MSI2: variants seen among roughly 807,000 people sequenced by gnomAD.
MSI2 encodes the protein RNA-binding protein Musashi homolog 2.
MSI2 carries 17 observed loss-of-function variants against 45.6 expected under a neutral mutation model. The ratio of observed to expected loss-of-function variants is 0.37; its 90% CI spans 0.26 to 0.56. The LOEUF (loss-of-function observed/expected upper bound fraction) is 0.56, where lower values mean the gene tolerates loss of function less well. Ranked by LOEUF, MSI2 falls within the 20% of genes least tolerant of loss-of-function variation. The pLI is 0.77. For synonymous variants in MSI2, 156 were observed against 158.2 expected (o/e 0.99, Z 0.11); for missense variants, 293 against 444.2 (o/e 0.66, Z 3.06).
intron 7 of MSI2, among the ~76,000 whole-genome samples, chr17:57,587,063 G>T (rs887020553): frequency 6.6e-6 from 1 of 152,164 alleles, no homozygotes; most frequent in African/African-American, 2.4e-5. Flanking sequence ...CTGAGACCAT[G>T]TTAGGAGCTG....
At chr17:57,619,732 C>T (rs1464869726) in intron 9 of MSI2, among the ~76,000 whole-genome samples, 4 of 152,132 alleles carry the variant, frequency 2.6e-5, no homozygotes, top group African/African-American at 4.8e-5. Context: ...GGTCCCTGCG[C>T]TTATCTGGAC....
Position 57,616,035 on chromosome 17 carries a change from G to A in MSI2, c.603G>A (p.Arg201=). ...MFPPGTRGRA[R]GLPYTMDAFM... ...CACCTGGGACAAGAGGCCGGGCCCG[G>A]GGACTGCCTTACACCATGGACGCGT... Residue 201 remains arginine, a synonymous_variant, in exon 9 of 14, where the codon CGG becomes CGA. Transcript: ENST00000284073. 6.2e-7 allele frequency: 1 copy of A among 1,614,194 alleles called. No individual in the cohort carries two copies. The highest frequency in any genetic ancestry group is 8.5e-7 in the Non-Finnish European group (1 of 1,180,028).
intron 5 of MSI2, among the ~76,000 whole-genome samples, chr17:57,344,479 T>A (rs1598149001): frequency 6.6e-6 from 1 of 152,242 alleles, no homozygotes; most frequent in Non-Finnish European, 1.5e-5. Flanking sequence ...GTGTCTCCCC[T>A]GCTCCAGACC....
At chr17:57,583,300 C>T (rs1436633899) in intron 7 of MSI2, among the ~76,000 whole-genome samples, 7 of 152,114 alleles carry the variant, frequency 4.6e-5, no homozygotes, top group Non-Finnish European at 8.8e-5. Flanking sequence ...ATGAGGAGCC[C>T]CACCCTCATG....
At position 57,627,373 on chromosome 17, in the gene MSI2, AC is replaced by A. The variant is rs967292236; in HGVS notation, c.727+74del. On this transcript the variant is annotated intron_variant, in intron 10 of 13. Transcript: ENST00000284073. This position sits in a 1 kb window ranked among gnomAD's most constrained non-coding sequence, Gnocchi z 4.6. The stretch of plus-strand genomic sequence containing the variant: ...GCTGCATTTGCGGGGAGGTGAGAGG[AC>A]CCCTAAAGAGAATGCATTTCTTACA... 32 of 1,330,998 alleles carry A rather than the reference AC, an allele frequency of 2.4e-5. No individual in the cohort carries two copies. Among genetic ancestry groups the A allele is most frequent in the Non-Finnish European group, 2.7e-5 (25 of 923,094 alleles). The allele number at this position is 1,330,998 out of a possible 1,614,324, so 82.4% of individuals were successfully genotyped here. A position where few individuals can be genotyped will look rare whatever the true frequency, so the allele number is the denominator to read the frequency against.
chr17:57,697,074 TGA>T, the MSI2 span, among the ~76,000 whole-genome samples: 1 of 151,810 alleles, frequency 6.6e-6, no homozygotes, highest in South Asian at 2.1e-4. Context: ...GGGGATGTGG[TGA>T]GAGTGAGATG....
Position 57,407,183 on chromosome 17 carries a change from T to G in MSI2, c.405+5712T>G, listed in dbSNP as rs2084099002. ...CAAGAGTGAATTGTTTTTTTTAATG[T>G]AATGAGACCTTCCCGTTTATCCGGC... is the stretch of plus-strand genomic sequence containing the variant. On this transcript the variant is annotated intron_variant, in intron 6 of 13. Transcript: ENST00000284073. This position sits in a 1 kb window ranked among gnomAD's most constrained non-coding sequence, Gnocchi z 4.1. The G allele has an allele frequency of 6.6e-6, 1 of 152,116 alleles. No homozygotes were observed. The highest frequency in any genetic ancestry group is 2.4e-5 in the African/African-American group (1 of 41,414). The allele number at this position is 152,116 out of a possible 1,614,324, so 9.4% of individuals were successfully genotyped here.
At chr17:57,271,058 A>T (rs901688703) in intron 5 of MSI2, among the ~76,000 whole-genome samples, 2 of 152,154 alleles carry the variant, frequency 1.3e-5, no homozygotes, top group African/African-American at 4.8e-5. Context: ...GGGAGCAGCT[A>T]GGGAACAGCT....
At chr17:57,526,386 T>A in intron 6 of MSI2, among the ~76,000 whole-genome samples, 1 of 93,046 alleles carries the variant, frequency 1.1e-5, no homozygotes. Flanking sequence ...TGTGTGTGTG[T>A]GTGTGTGTGT....
intron 6 of MSI2, among the ~76,000 whole-genome samples, chr17:57,463,438 C>T (rs888984847): frequency 1.3e-5 from 2 of 152,194 alleles, no homozygotes; most frequent in African/African-American, 2.4e-5. Flanking sequence ...TCTGTCTCTA[C>T]AGCCTCCCTC....
intron 7 of MSI2, among the ~76,000 whole-genome samples, chr17:57,566,806 G>A (rs72833090): frequency 6.6e-6 from 1 of 152,140 alleles, no homozygotes; most frequent in East Asian, 1.9e-4. Flanking sequence ...AATGTAAGGA[G>A]GAGTGTTCAG....
chr17:57,479,642 C>T (rs994952430), intron 6 of MSI2, among the ~76,000 whole-genome samples: 8 of 152,118 alleles, frequency 5.3e-5, no homozygotes, highest in South Asian at 4.1e-4. Flanking sequence ...AGCAAAGCAG[C>T]GGTGAAAGAC....
intron 5 of MSI2, among the ~76,000 whole-genome samples, chr17:57,282,049 G>C (rs1187669032): frequency 6.6e-6 from 1 of 152,168 alleles, no homozygotes; most frequent in African/African-American, 2.4e-5. Flanking sequence ...TCTCCCTTCA[G>C]ATCAAAGCGG....
Position 57,526,910 on chromosome 17 carries a change from C to A in MSI2, c.406-2766C>A, listed in dbSNP as rs2086714309. Among the ~76,000 whole-genome samples, 2 of 152,132 alleles carry A rather than the reference C, an allele frequency of 1.3e-5. 1 individual carries two copies. Among genetic ancestry groups the A allele is most frequent in the South Asian group, 4.2e-4 (2 of 4,818 alleles). Reference sequence around the variant, plus strand: ...GAGGAAAGAGCTGTATTCTTTATGACAATGGTTGCCCTAAAAACATATACA... The same window carrying A: ...GAGGAAAGAGCTGTATTCTTTATGAAAATGGTTGCCCTAAAAACATATACA... On this transcript the variant is annotated intron_variant, in intron 6 of 13. Transcript: ENST00000284073.
At chr17:57,475,969 A>G (rs2085529473) in intron 6 of MSI2, among the ~76,000 whole-genome samples, 1 of 152,230 alleles carries the variant, frequency 6.6e-6, no homozygotes, top group East Asian at 1.9e-4. Context: ...AGCCACAGAC[A>G]ATCTCTCCCT....
At chr17:57,524,106 G>T (rs2086649924) in intron 6 of MSI2, among the ~76,000 whole-genome samples, 1 of 152,236 alleles carries the variant, frequency 6.6e-6, no homozygotes, top group African/African-American at 2.4e-5. Flanking sequence ...CCTGCTCCAT[G>T]TGCCACCCAT....
chr17:57,604,160 G>A (rs768163056), intron 8 of MSI2, among the ~76,000 whole-genome samples: 1 of 152,190 alleles, frequency 6.6e-6, no homozygotes, highest in Non-Finnish European at 1.5e-5. Flanking sequence ...AGTTACTTCT[G>A]TGTTTCGGCT....
intron 8 of MSI2, among the ~76,000 whole-genome samples, chr17:57,603,346 G>A (rs191870753): frequency 6.6e-6 from 1 of 152,306 alleles, no homozygotes; most frequent in Non-Finnish European, 1.5e-5. Flanking sequence ...GGACCTGCTG[G>A]GTCACTTAGA....
intron 5 of MSI2, among the ~76,000 whole-genome samples, chr17:57,290,432 C>T (rs571300661): frequency 6.6e-6 from 1 of 152,362 alleles, no homozygotes; most frequent in Admixed American, 6.5e-5. Flanking sequence ...ACCTCAGCCT[C>T]CCAAGTATTG....
Sources: gnomAD v4.1 joint callset for allele counts (sites outside exome capture counted in the v4.1 genomes callset) on GRCh38, gnomAD v4.1.1 for gene constraint, Gnocchi (gnomAD v3.1) non-coding constraint, MANE v1.5 for transcripts, NCBI Gene and HGNC (gene_info 2026-07-23, HGNC 2026-07-21) for gene names.